POU2F3: variants seen among roughly 807,000 people sequenced by gnomAD.
POU2F3 encodes the protein POU domain, class 2, transcription factor 3.
Under a neutral mutation model 59.2 loss-of-function variants are expected in POU2F3, and 23 were observed. The ratio of observed to expected loss-of-function variants is 0.39; its 90% confidence interval spans 0.28 to 0.55. The LOEUF is 0.55. Ranked by LOEUF, POU2F3 falls within the 20% of genes least tolerant of loss-of-function variation. The probability of loss-of-function intolerance (pLI) is 0.66; values close to 1 mark genes in which losing one functional copy is unlikely to be tolerated. For synonymous variants in POU2F3, 190 were observed against 214.6 expected, an observed-to-expected ratio of 0.89 and a Z score of 1.00; for missense variants, 473 against 544.5, an observed-to-expected ratio of 0.87 and a Z score of 1.31.
At chr11:120,292,239 G>A (rs1264936907) in intron 3 of POU2F3, among the ~76,000 whole-genome samples, 1 of 152,206 alleles carries the variant, frequency 6.6e-6, no homozygotes, top group Non-Finnish European at 1.5e-5. Flanking sequence ...GGGTCCTGAA[G>A]TCAGGATCCT....
intron 2 of POU2F3, chr11:120,250,175 T>A (rs758427150): frequency 6.6e-6 from 1 of 152,304 alleles, no homozygotes; most frequent in Non-Finnish European, 1.5e-5. Flanking sequence ...TCTCTCTCCA[T>A]CCTTTTTCCT....
rs1939645849 is a variant in POU2F3, at chr11:120,262,622, A to G, written c.98-6588A>G. 1.3e-5 allele frequency among the ~76,000 whole-genome samples: 2 copies of G among 152,276 alleles called. 1 individual carries two copies. The highest frequency in any genetic ancestry group is 4.8e-5 in the African/African-American group (2 of 41,480). On this transcript the variant is annotated intron_variant, in intron 2 of 12. Coordinates refer to ENST00000543440, the MANE Select transcript of POU2F3 (RefSeq NM_014352.4). ...AGCAATTTTGATGGTAAAGTATCTT[A>G]AAATATGCACACGCATTTTTAATTG...
At chr11:120,298,167 C>A in intron 3 of POU2F3, 98 bp from the exon 4 acceptor site, 1 of 1,423,488 alleles carries the variant, frequency 7.0e-7, no homozygotes, top group Non-Finnish European at 9.5e-7. Context: ...CCTCTCTAGG[C>A]TGGTCACTCC....
chr11:120,276,142 C>T (rs1940311634), intron 3 of POU2F3, among the ~76,000 whole-genome samples: 1 of 152,188 alleles, frequency 6.6e-6, no homozygotes. Flanking sequence ...TGCCCCCCCA[C>T]AACCAGGAGC....
At position 120,305,633 on chromosome 11, in the gene POU2F3, C is replaced by A; in HGVS notation, c.628-11C>A. The stretch of plus-strand genomic sequence containing the variant: ...CCTCTCATGTTCCTCCCCCTCGGTC[C>A]CCACGCTTAGGGAGATGTGGGGCTG... On this transcript the variant is annotated splice_polypyrimidine_tract_variant and intron_variant, in intron 7 of 12. Coordinates refer to ENST00000543440, the MANE Select transcript of POU2F3 (RefSeq NM_014352.4). 1 of 1,613,278 alleles carries A rather than the reference C, an allele frequency of 6.2e-7. No individual in the cohort carries two copies. The highest frequency in any genetic ancestry group is 8.5e-7 in the Non-Finnish European group (1 of 1,179,762).
Position 120,288,128 on chromosome 11 carries a change from C to CAAAAAAAAAAAAAAAAA in POU2F3, c.133-10133_133-10117dup. Among the ~76,000 whole-genome samples the CAAAAAAAAAAAAAAAAA allele has an allele frequency of 1.1e-3, 68 of 63,324 alleles. 4 individuals carry two copies. Among genetic ancestry groups the CAAAAAAAAAAAAAAAAA allele is most frequent in the Non-Finnish European group, 1.2e-3 (47 of 37,872 alleles). The allele number at this position is 63,324 out of a possible 152,430, so 41.5% of individuals were successfully genotyped here. A position where few individuals can be genotyped will look rare whatever the true frequency, so the allele number is the denominator to read the frequency against. On this transcript the variant is annotated intron_variant, in intron 3 of 12. Coordinates refer to ENST00000543440, the MANE Select transcript of POU2F3 (RefSeq NM_014352.4). The stretch of plus-strand genomic sequence containing the variant: ...AAAGAAAGAAAACAAACAAAAAAAC[C>CAAAAAAAAAAAAAAAAA]AAAAAAAAAAAAAAAAAAAACAAGA...
At chr11:120,236,793 C>G, upstream of POU2F3, 1 of 1,299,650 alleles carries the variant, frequency 7.7e-7, no homozygotes, top group Non-Finnish European at 1.1e-6. Context: ...ATAAAGATTG[C>G]TCACCATTCC....
At chr11:120,242,347 C>T (rs1938700312) in intron 1 of POU2F3, among the ~76,000 whole-genome samples, 1 of 152,168 alleles carries the variant, frequency 6.6e-6, no homozygotes, top group Non-Finnish European at 1.5e-5. Context: ...TTCCAGTGCG[C>T]ACCCTGCTGT....
chr11:120,305,164 G>A lies in POU2F3; in HGVS notation c.579G>A (p.Lys193=), dbSNP rs1565386378. 1 of 1,613,904 alleles carries A rather than the reference G, an allele frequency of 6.2e-7. No homozygotes were observed. The highest frequency in any genetic ancestry group is 8.5e-7 in the Non-Finnish European group (1 of 1,179,974). The part of the protein sequence containing the change: ...DEPSDLEELE[K]FAKTFKQRRI... ...CCAGTGACCTCGAGGAGCTGGAGAA[G>A]TTTGCCAAGACCTTCAAGCAGAGGC... Residue 193 remains lysine (K), a synonymous_variant, in exon 7 of 13, where the codon AAG becomes AAA. Coordinates refer to ENST00000543440, the MANE Select transcript of POU2F3 (RefSeq NM_014352.4).
At chr11:120,276,088 C>T (rs992570135) in intron 3 of POU2F3, among the ~76,000 whole-genome samples, 2 of 152,164 alleles carry the variant, frequency 1.3e-5, no homozygotes, top group Non-Finnish European at 2.9e-5. Context: ...CAGTGCCAGG[C>T]CCTGGAGTTG....
chr11:120,283,421 G>A (rs1940651494), intron 3 of POU2F3, among the ~76,000 whole-genome samples: 1 of 152,188 alleles, frequency 6.6e-6, no homozygotes, highest in African/African-American at 2.4e-5. Flanking sequence ...CATCCAGTGG[G>A]CTGCCCCGTC....
intron 3 of POU2F3, among the ~76,000 whole-genome samples, chr11:120,271,457 G>A (rs200626115): frequency 6.6e-6 from 1 of 151,240 alleles, no homozygotes; most frequent in Non-Finnish European, 1.5e-5. Flanking sequence ...GATGTGTCTT[G>A]GGCCCTGTGC....
chr11:120,282,559 G>A (rs1020324145), intron 3 of POU2F3, among the ~76,000 whole-genome samples: 1 of 152,160 alleles, frequency 6.6e-6, no homozygotes, highest in African/African-American at 2.4e-5. Context: ...TGGAGGCTAA[G>A]GCACAAGAAT....
chr11:120,315,467 C>A (rs563484122), intron 11 of POU2F3, 40 bp downstream of exon 11: 41 of 1,572,554 alleles, frequency 2.6e-5, no homozygotes, highest in African/African-American at 1.8e-4. Context: ...CACCAGAATT[C>A]TTTTAAAAAA....
chr11:120,260,265 GC>G (rs1386213986), intron 2 of POU2F3, among the ~76,000 whole-genome samples: 1 of 152,240 alleles, frequency 6.6e-6, no homozygotes, highest in East Asian at 1.9e-4. Context: ...ATGCAAATCA[GC>G]CTTCTAGCCT....
At chr11:120,309,632 T>C (rs1380234912) in intron 10 of POU2F3, 46 bp downstream of exon 10, 3 of 1,588,998 alleles carry the variant, frequency 1.9e-6, no homozygotes, top group South Asian at 2.2e-5. Context: ...TGGAGGGACA[T>C]GATGCTTGGA....
intron 5 of POU2F3, chr11:120,302,009 C>T (rs187710438): frequency 2.6e-6 from 1 of 391,706 alleles, no homozygotes; most frequent in African/African-American, 2.1e-5. Flanking sequence ...CCTCCTTAGC[C>T]TCTACGCCTC....
At chr11:120,291,512 G>A (rs1941019036) in intron 3 of POU2F3, among the ~76,000 whole-genome samples, 1 of 152,174 alleles carries the variant, frequency 6.6e-6, no homozygotes, top group Non-Finnish European at 1.5e-5. Context: ...ACACATTTTG[G>A]AATATCTGTC....
intron 3 of POU2F3, among the ~76,000 whole-genome samples, chr11:120,276,001 G>C (rs1309528079): frequency 6.6e-6 from 1 of 152,148 alleles, no homozygotes; most frequent in Non-Finnish European, 1.5e-5. Flanking sequence ...CAAGATTCAG[G>C]TACGGAAAGG....
Sources: gnomAD v4.1 joint callset for allele counts (sites outside exome capture counted in the v4.1 genomes callset) on GRCh38, gnomAD v4.1.1 for gene constraint, MANE v1.5 for transcripts, NCBI Gene and HGNC (gene_info 2026-07-23, HGNC 2026-07-21) for gene names.